GCNT2: variants seen among roughly 807,000 people sequenced by gnomAD.
The protein encoded by GCNT2 is glucosaminyl (N-acetyl) transferase 2 (I blood group).
Under a neutral mutation model 34.2 loss-of-function variants are expected in GCNT2, and 34 were observed. That is an observed-to-expected ratio of 1.00 (90% CI 0.76 to 1.32). The LOEUF is 1.32. Ranked by LOEUF, GCNT2 falls within the 40% of genes most tolerant of loss-of-function variation. The probability of loss-of-function intolerance (pLI) is 0.00; values close to 1 mark genes in which losing one functional copy is unlikely to be tolerated. For synonymous variants in GCNT2, 212 were observed against 188.0 expected, an observed-to-expected ratio of 1.13 and a Z score of -1.04; for missense variants, 584 against 489.4, an observed-to-expected ratio of 1.19 and a Z score of -1.82.
chr6:10,615,388 C>A (rs1162136854), intron 3 of GCNT2, among the ~76,000 whole-genome samples: 2 of 152,166 alleles, frequency 1.3e-5, no homozygotes, highest in Non-Finnish European at 2.9e-5. Flanking sequence ...GATTTTGGCT[C>A]ACTGCAGCCT....
chr6:10,529,924 G>T, intron 3 of GCNT2, 88 bp downstream of exon 3: 2 of 1,060,652 alleles, frequency 1.9e-6, no homozygotes, highest in South Asian at 1.3e-5. Flanking sequence ...TGGAAAAAAT[G>T]GGACAAACTT....
chr6:10,611,754 A>G (rs1377710064), intron 3 of GCNT2, among the ~76,000 whole-genome samples: 1 of 152,220 alleles, frequency 6.6e-6, no homozygotes, highest in Non-Finnish European at 1.5e-5. Context: ...AAGTTAATTG[A>G]ATTATTAGAA....
chr6:10,615,823 A>G (rs1765734422), intron 3 of GCNT2, among the ~76,000 whole-genome samples: 1 of 152,238 alleles, frequency 6.6e-6, no homozygotes. Flanking sequence ...ACTTCCTGAC[A>G]TTGCTATGGC....
At chr6:10,563,909 A>C (rs796401467) in intron 3 of GCNT2, among the ~76,000 whole-genome samples, 1 of 151,420 alleles carries the variant, frequency 6.6e-6, no homozygotes, top group African/African-American at 2.4e-5. Flanking sequence ...GCTTATTTTA[A>C]ATTGAACCCA....
chr6:10,550,517 G>A (rs1302799116), intron 3 of GCNT2, among the ~76,000 whole-genome samples: 1 of 151,936 alleles, frequency 6.6e-6, no homozygotes, highest in Non-Finnish European at 1.5e-5. Flanking sequence ...TTGAGACAGG[G>A]TCTTGCTTTG....
chr6:10,562,570 C>T (rs1763036357), intron 3 of GCNT2, among the ~76,000 whole-genome samples: 2 of 147,580 alleles, frequency 1.4e-5, no homozygotes, highest in Non-Finnish European at 3.0e-5. Flanking sequence ...ATAAATTATT[C>T]ACCAGGCATG....
intron 3 of GCNT2, among the ~76,000 whole-genome samples, chr6:10,547,903 C>A (rs540703076): frequency 6.6e-6 from 1 of 152,278 alleles, no homozygotes; most frequent in East Asian, 1.9e-4. Flanking sequence ...TTTTTACTTA[C>A]TTTACTGCTC....
intron 3 of GCNT2, among the ~76,000 whole-genome samples, chr6:10,573,686 C>CTGA (rs1369010330): frequency 6.6e-6 from 1 of 152,350 alleles, no homozygotes; most frequent in Non-Finnish European, 1.5e-5. Flanking sequence ...AACTGAAAAG[C>CTGA]AGTGGTCTTC....
intron 3 of GCNT2, among the ~76,000 whole-genome samples, chr6:10,600,290 C>T (rs1408693263): frequency 6.6e-6 from 1 of 152,126 alleles, no homozygotes; most frequent in Non-Finnish European, 1.5e-5. Flanking sequence ...AATATTACAT[C>T]AAAGTCTTAT....
At chr6:10,530,473 CATA>C (rs1393227167) in intron 3 of GCNT2, among the ~76,000 whole-genome samples, 1 of 152,164 alleles carries the variant, frequency 6.6e-6, no homozygotes, top group Non-Finnish European at 1.5e-5. Context: ...TTGAAGATTT[CATA>C]ATATTTTTGT....
At chr6:10,597,386 C>T (rs9348583) in intron 3 of GCNT2, among the ~76,000 whole-genome samples, 16,614 of 151,874 alleles carry the variant, frequency 0.11, 1,085 homozygotes, top group Middle Eastern at 0.17. Flanking sequence ...AACTCCCGAG[C>T]TCAAGCAATC....
At chr6:10,546,286 T>C (rs999763444) in intron 3 of GCNT2, among the ~76,000 whole-genome samples, 1 of 152,286 alleles carries the variant, frequency 6.6e-6, no homozygotes, top group African/African-American at 2.4e-5. Context: ...GCCAACAATG[T>C]GGCGGTTAGG....
At chr6:10,579,844 AAAAAC>A (rs1763993190) in intron 3 of GCNT2, among the ~76,000 whole-genome samples, 1 of 145,006 alleles carries the variant, frequency 6.9e-6, no homozygotes, top group Non-Finnish European at 1.5e-5. Context: ...AAAAAAAAAA[AAAAAC>A]AAGTAATAAA....
rs1441369479 is a variant in GCNT2 at position 10,626,544 on chromosome 6, G to A, written c.1146G>A (p.Leu382=). The stretch of plus-strand genomic sequence containing the variant: ...CCCTTACTGTGGAATGCCTAGAACT[G>A]AGGCATCGCGAAAGAACCCTCAATC... ...TYPLTVECLE[L]RHRERTLNQS... The change falls in exon 5 of 5, where the codon CTG becomes CTA. Residue 382 remains leucine, a synonymous_variant. Transcript: ENST00000495262. 1.2e-6 allele frequency: 2 copies of A among 1,613,512 alleles called. No homozygotes were observed. The highest frequency in any genetic ancestry group is 2.2e-5 in the East Asian group (1 of 44,888).
At chr6:10,533,682 G>A (rs1761608132) in intron 3 of GCNT2, among the ~76,000 whole-genome samples, 1 of 151,134 alleles carries the variant, frequency 6.6e-6, no homozygotes, top group South Asian at 2.1e-4. Context: ...CCAGCTACTC[G>A]GGAGACTGAA....
intron 3 of GCNT2, among the ~76,000 whole-genome samples, chr6:10,592,366 T>C (rs1764687918): frequency 6.6e-6 from 1 of 152,222 alleles, no homozygotes. Context: ...TTATTTAACC[T>C]CTTCAGTAAA....
Position 10,627,935 on chromosome 6 carries a change from T to A in GCNT2, c.*1328T>A, listed in dbSNP as rs1223094238. On this transcript the variant is annotated 3_prime_UTR_variant, in exon 5 of 5. Transcript: ENST00000495262. ...TTCCAGCCATTCTGGTATTCCTTTATGTATCTAATTTCATTCAAACCTCAC... is the reference window on the plus strand; with the variant it reads ...TTCCAGCCATTCTGGTATTCCTTTAAGTATCTAATTTCATTCAAACCTCAC... 1 of 152,638 alleles carries A rather than the reference T, an allele frequency of 6.6e-6. No individual in the cohort carries two copies. Among genetic ancestry groups the A allele is most frequent in the Non-Finnish European group, 1.5e-5 (1 of 68,024 alleles). The allele number at this position is 152,638 out of a possible 1,614,324, so 9.5% of individuals were successfully genotyped here. A position where few individuals can be genotyped will look rare whatever the true frequency, so the allele number is the denominator to read the frequency against.
intron 3 of GCNT2, among the ~76,000 whole-genome samples, chr6:10,575,986 A>C (rs1198571787): frequency 2.0e-5 from 3 of 152,112 alleles, no homozygotes; most frequent in Non-Finnish European, 4.4e-5. Context: ...GCCTGCACCC[A>C]GGTGAAATAA....
chr6:10,583,314 A>T (rs1315198222), intron 3 of GCNT2, among the ~76,000 whole-genome samples: 1 of 152,140 alleles, frequency 6.6e-6, no homozygotes, highest in Non-Finnish European at 1.5e-5. Flanking sequence ...AAATGGCTGC[A>T]TTGTGAATCA....
Sources: allele counts gnomAD v4.1 joint callset (sites outside exome capture counted in the v4.1 genomes callset), GRCh38; gene constraint gnomAD v4.1.1; transcripts MANE v1.5; gene names NCBI Gene and HGNC (gene_info 2026-07-23, HGNC 2026-07-21).